Variants in AMPD3 observed in about 807,000 individuals in gnomAD.
AMPD3 encodes adenosine monophosphate deaminase 3, also known as AMP deaminase 3.
AMPD3 carries 57 observed loss-of-function variants against 82.3 expected under a neutral mutation model. That is an observed-to-expected ratio of 0.69 (90% CI 0.56 to 0.86). The LOEUF (loss-of-function observed/expected upper bound fraction) is 0.86, where lower values mean the gene tolerates loss of function less well. AMPD3 is among the 40% of genes least tolerant of loss of function. The probability of loss-of-function intolerance (pLI) is 0.00; values close to 1 mark genes in which losing one functional copy is unlikely to be tolerated. For synonymous variants in AMPD3, 381 were observed against 394.7 expected, an observed-to-expected ratio of 0.97 and a Z score of 0.41; for missense variants, 870 against 1,003.8, an observed-to-expected ratio of 0.87 and a Z score of 1.80.
upstream of AMPD3, among the ~76,000 whole-genome samples, chr11:10,454,699 T>A (rs1410485207): frequency 6.6e-6 from 1 of 152,172 alleles, no homozygotes; most frequent in African/African-American, 2.4e-5. Flanking sequence ...CCTGAACGTG[T>A]CGGACTTAAA....
rs1848930570 is a variant in AMPD3 at position 10,482,210 on chromosome 11, G to A, written c.574G>A (p.Glu192Lys). ...TCCGCGGGCGGATACTGCACCTCCG[G>A]AAGAGGGCCTTCCAGGTATGGAGCT... is the stretch of plus-strand genomic sequence containing the variant. ...GHPRADTAPP[E>K]EGLPDFHPPP... The change falls in exon 4 of 15, where the codon GAA becomes AAA. Residue 192 changes from glutamate (E) to lysine (K), a missense_variant. Physicochemically the swap from Glu to Lys is moderately conservative, Grantham distance 56 (BLOSUM62 1). Coordinates refer to ENST00000396553, the MANE Select transcript of AMPD3 (RefSeq NM_001025389.2). The A allele has an allele frequency of 6.2e-7, 1 of 1,612,128 alleles. No individual in the cohort carries two copies. The highest frequency in any genetic ancestry group is 1.3e-5 in the African/African-American group (1 of 74,900).
upstream of AMPD3, chr11:10,451,078 G>T: frequency 6.4e-7 from 1 of 1,561,116 alleles, no homozygotes; most frequent in South Asian, 1.2e-5. Context: ...CTGACCTTGG[G>T]CCAGCCCCGC....
intron 5 of AMPD3, chr11:10,486,859 G>T: frequency 3.0e-6 from 3 of 985,400 alleles, no homozygotes; most frequent in Non-Finnish European, 3.6e-6. Context: ...ACTCTGCTTG[G>T]ACTCAGGCCC....
chr11:10,451,396 C>G (rs1847959140), upstream of AMPD3, among the ~76,000 whole-genome samples: 1 of 152,250 alleles, frequency 6.6e-6, no homozygotes, highest in Non-Finnish European at 1.5e-5. Context: ...ATGTGGACAG[C>G]TGAGGTGGAC....
At chr11:10,479,213 A>C (rs575983851) in intron 3 of AMPD3, among the ~76,000 whole-genome samples, 1 of 152,368 alleles carries the variant, frequency 6.6e-6, no homozygotes, top group East Asian at 1.9e-4. Flanking sequence ...AATCTTGTTT[A>C]GAAATTGAGC....
chr11:10,507,161 G>T lies in AMPD3; in HGVS notation c.*1277G>T, dbSNP rs1849732365. On this transcript the variant is annotated 3_prime_UTR_variant, in exon 15 of 15. Coordinates refer to ENST00000396553, the MANE Select transcript of AMPD3 (RefSeq NM_001025389.2). ...TTTTGGCAACTTTTTAAGGACATGT[G>T]CTCTTAGTACTTAAGAGGCTGCTCA... 6.6e-6 allele frequency: 1 copy of T among 152,440 alleles called. No individual in the cohort carries two copies. The highest frequency in any genetic ancestry group is 2.1e-4 in the South Asian group (1 of 4,830). The allele number at this position is 152,440 out of a possible 1,614,324, so 9.4% of individuals were successfully genotyped here.
chr11:10,502,582 C>T (rs1431749792), intron 12 of AMPD3, 139 bp from the exon 13 acceptor site: 6 of 1,588,634 alleles, frequency 3.8e-6, no homozygotes, highest in Non-Finnish European at 5.1e-6. Flanking sequence ...CTTCGAGGAA[C>T]TCGGGTTGAG....
At chr11:10,474,427 G>A (rs948811424) in intron 2 of AMPD3, among the ~76,000 whole-genome samples, 8 of 152,190 alleles carry the variant, frequency 5.3e-5, no homozygotes, top group African/African-American at 1.9e-4. Context: ...GGGCCTGAAG[G>A]GCTCCTCACT....
At chr11:10,497,467 G>A (rs1461096390) in intron 10 of AMPD3, 2 of 536,478 alleles carry the variant, frequency 3.7e-6, no homozygotes, top group Non-Finnish European at 4.8e-6. Flanking sequence ...GAGGCGGAGG[G>A]GGCGGGAGCC....
At chr11:10,495,850 T>G in intron 9 of AMPD3, 117 bp downstream of exon 9, 1 of 1,340,172 alleles carries the variant, frequency 7.5e-7, no homozygotes, top group Non-Finnish European at 1.0e-6. Context: ...CAGCTTACGC[T>G]TGTCCTTTCC....
chr11:10,506,171 T>A lies in AMPD3; in HGVS notation c.*287T>A. 4.6e-6 allele frequency: 2 copies of A among 437,738 alleles called. No homozygotes were observed. Among genetic ancestry groups the A allele is most frequent in the South Asian group, 4.3e-5 (2 of 46,930 alleles). 27.1% of individuals were successfully genotyped at this position (437,738 alleles called of 1,614,324 possible). A position where few individuals can be genotyped will look rare whatever the true frequency, so the allele number is the denominator to read the frequency against. ...TATTTCTCTTGAAACTGCCAGTGCC[T>A]GAACTGTTGGGGCCAGGATTTTCCC... On this transcript the variant is annotated 3_prime_UTR_variant, in exon 15 of 15. Coordinates refer to ENST00000396553, the MANE Select transcript of AMPD3 (RefSeq NM_001025389.2). The surrounding 1 kb of genome is among the most constrained non-coding windows in gnomAD (Gnocchi z 4.1).
At position 10,496,292 on chromosome 11, in the gene AMPD3, A is replaced by G. The variant is rs565164707; in HGVS notation, c.1431-520A>G. On this transcript the variant is annotated intron_variant, in intron 9 of 14. Transcript: ENST00000396553. ...GAACTACTACCCCCGCCTTCTTCTC[A>G]TTGTGGGTTGAGGATGGATTGTCCT... 4.3e-5 allele frequency: 42 copies of G among 985,326 alleles called. No homozygotes were observed. The East Asian group carries it at 4.2e-3, about 99-fold the overall frequency. The allele number at this position is 985,326 out of a possible 1,614,324, so 61.0% of individuals were successfully genotyped here. A position where few individuals can be genotyped will look rare whatever the true frequency, so the allele number is the denominator to read the frequency against.
chr11:10,487,204 A>T (rs1849098886), intron 5 of AMPD3, 31 bp from the exon 6 acceptor site: 1 of 1,613,662 alleles, frequency 6.2e-7, no homozygotes, highest in Non-Finnish European at 8.5e-7. Flanking sequence ...ATGCGACTCA[A>T]CTATGGTCTC....
intron 3 of AMPD3, chr11:10,481,818 T>G: frequency 3.7e-6 from 2 of 545,896 alleles, no homozygotes; most frequent in Non-Finnish European, 6.6e-6. Flanking sequence ...TGGTCACATG[T>G]CTGCATAGCA....
intron 2 of AMPD3, among the ~76,000 whole-genome samples, chr11:10,470,187 C>T (rs969586251): frequency 2.4e-4 from 36 of 152,278 alleles, no homozygotes; most frequent in Admixed American, 2.0e-4. Flanking sequence ...CGTAATCCAT[C>T]GCATAAACAG....
At chr11:10,485,909 T>C (rs543085328) in intron 5 of AMPD3, among the ~76,000 whole-genome samples, 4 of 152,116 alleles carry the variant, frequency 2.6e-5, no homozygotes, top group African/African-American at 9.6e-5. Context: ...AGCCTCAGAG[T>C]GGCTGTGCTG....
At chr11:10,458,830 A>G (rs868450956) in intron 1 of AMPD3, among the ~76,000 whole-genome samples, 1 of 152,278 alleles carries the variant, frequency 6.6e-6, no homozygotes, top group Admixed American at 6.5e-5. Context: ...GTCAAATGGT[A>G]TGGTGCTTTA....
At chr11:10,450,737 G>C (rs1009417812), upstream of AMPD3, 96 of 1,124,506 alleles carry the variant, frequency 8.5e-5, no homozygotes, top group Non-Finnish European at 9.7e-5. Flanking sequence ...GTAGCCTCTC[G>C]GCTCTCTCTG....
At position 10,461,678 on chromosome 11, in the gene AMPD3, A is replaced by G. The variant is rs1339544873; in HGVS notation, c.159A>G (p.Glu53=). The G allele has an allele frequency of 6.8e-6, 11 of 1,614,088 alleles. No homozygotes were observed. Among genetic ancestry groups the G allele is most frequent in the Non-Finnish European group, 9.3e-6 (11 of 1,180,028 alleles). Residue 53 remains glutamate, a synonymous_variant, in exon 2 of 15, where the codon GAA becomes GAG. Coordinates refer to ENST00000396553, the MANE Select transcript of AMPD3 (RefSeq NM_001025389.2). The part of the protein sequence containing the change: ...VPEDCPIGQK[E]AKERELQKEL... ...AGGACTGCCCCATCGGGCAAAAGGA[A>G]GCCAAGGAGAGGGAGCTGCAGAAGG...
Sources: gnomAD v4.1 joint callset for allele counts (sites outside exome capture counted in the v4.1 genomes callset) on GRCh38, gnomAD v4.1.1 for gene constraint, Gnocchi (gnomAD v3.1) non-coding constraint, MANE v1.5 for transcripts, NCBI Gene and HGNC (gene_info 2026-07-23, HGNC 2026-07-21) for gene names.